Variants in CFAP91 observed in about 807,000 individuals in gnomAD.
The protein encoded by CFAP91 is cilia and flagella associated protein 91.
Under a neutral mutation model 95.9 loss-of-function variants are expected in CFAP91, and 85 were observed. The ratio of observed to expected loss-of-function variants is 0.89; its 90% CI spans 0.74 to 1.06. CFAP91 has a LOEUF of 1.06. Ranked by LOEUF, CFAP91 falls within the 50% of genes least tolerant of loss-of-function variation. The probability of loss-of-function intolerance (pLI) is 0.00; values close to 1 mark genes in which losing one functional copy is unlikely to be tolerated. For synonymous variants in CFAP91, 335 were observed against 327.5 expected (o/e 1.02, Z -0.25); for missense variants, 962 against 943.4 (o/e 1.02, Z -0.26).
At chr3:119,748,458 A>G (rs901539112) in intron 16 of CFAP91, among the ~76,000 whole-genome samples, 7 of 152,228 alleles carry the variant, frequency 4.6e-5, no homozygotes, top group Non-Finnish European at 8.8e-5. Context: ...AGAAAATACT[A>G]TCTTAAACAG....
Position 119,740,684 on chromosome 3 carries a change from C to T in CFAP91, c.1669C>T (p.His557Tyr), listed in dbSNP as rs199918700. 2 of 1,614,014 alleles carry T rather than the reference C, an allele frequency of 1.2e-6. No individual in the cohort carries two copies. The highest frequency in any genetic ancestry group is 2.2e-5 in the East Asian group (1 of 44,880). ...TLALQRQRNL[H>Y]EHKVSLVENH... ...GGCCTTACAGCGGCAGAGGAACTTG[C>T]ATGAGCACAAGGTTTTCCTTTTTTT... is the stretch of plus-strand genomic sequence containing the variant. The change falls in exon 13 of 18, where the codon CAT becomes TAT. Residue 557 changes from histidine (H) to tyrosine (Y), a missense_variant. Physicochemically the swap from His to Tyr is moderately conservative, Grantham distance 83. Coordinates refer to ENST00000273390, the MANE Select transcript of CFAP91 (RefSeq NM_033364.4).
intron 1 of CFAP91, among the ~76,000 whole-genome samples, chr3:119,705,679 A>T (rs1452068005): frequency 6.6e-6 from 1 of 152,244 alleles, no homozygotes; most frequent in Non-Finnish European, 1.5e-5. Flanking sequence ...TTTAAAAATA[A>T]CAACCCTCAA....
intron 17 of CFAP91, among the ~76,000 whole-genome samples, chr3:119,753,834 G>A (rs554693484): frequency 3.9e-5 from 6 of 152,052 alleles, no homozygotes; most frequent in Non-Finnish European, 4.4e-5. Context: ...CCCCAAGTCC[G>A]CACAGTCCAT....
chr3:119,751,185 A>C (rs2054318877), intron 17 of CFAP91, 87 bp downstream of exon 17: 1 of 1,412,700 alleles, frequency 7.1e-7, no homozygotes, highest in Non-Finnish European at 9.5e-7. Flanking sequence ...AAACAATCAT[A>C]ATGTGAAGAT....
intron 6 of CFAP91, chr3:119,715,963 C>T: frequency 1.7e-6 from 1 of 596,764 alleles, no homozygotes. Flanking sequence ...ATCTGTGAAG[C>T]TGAATTTCAG....
intron 10 of CFAP91, among the ~76,000 whole-genome samples, chr3:119,736,739 G>A (rs575037591): frequency 6.6e-6 from 1 of 151,938 alleles, no homozygotes; most frequent in East Asian, 1.9e-4. Flanking sequence ...TTTTATGATT[G>A]TGTAACATTC....
chr3:119,719,237 A>AAAAT, intron 6 of CFAP91, among the ~76,000 whole-genome samples: 1 of 152,252 alleles, frequency 6.6e-6, no homozygotes. Context: ...ATGTAAAACC[A>AAAAT]GTCAAAACTA....
chr3:119,718,026 G>C (rs2053611791), intron 6 of CFAP91, among the ~76,000 whole-genome samples: 2 of 152,164 alleles, frequency 1.3e-5, no homozygotes, highest in Non-Finnish European at 2.9e-5. Flanking sequence ...GCCACTCGCA[G>C]GTCAAGGCTG....
chr3:119,757,421 A>T (rs534092555), intron 17 of CFAP91, among the ~76,000 whole-genome samples: 1 of 152,192 alleles, frequency 6.6e-6, no homozygotes, highest in South Asian at 2.1e-4. Flanking sequence ...AGGCAGGTGG[A>T]CCAGTTCAGC....
chr3:119,715,847 AT>A, intron 6 of CFAP91, 104 bp downstream of exon 6: 1 of 1,023,738 alleles, frequency 9.8e-7, no homozygotes, highest in Non-Finnish European at 1.5e-6. Context: ...CAGTGTTGCT[AT>A]ATAAAGTGTC....
rs553703783 is a variant in CFAP91, at chr3:119,765,687, A to G, written c.*637A>G. The G allele has an allele frequency of 5.9e-5, 9 of 152,370 alleles. No homozygotes were observed. In the East Asian group the frequency reaches 1.5e-3, roughly 26 times the overall value. 9.4% of individuals were successfully genotyped at this position (152,370 alleles called of 1,614,324 possible). ...ATGCAACAGCCATAGAGATGGTGCT[A>G]TTGAAAGGCAATCTGCCCATCCTGT... is the stretch of plus-strand genomic sequence containing the variant. On this transcript the variant is annotated 3_prime_UTR_variant, in exon 18 of 18. Coordinates refer to ENST00000273390, the MANE Select transcript of CFAP91 (RefSeq NM_033364.4).
chr3:119,718,066 C>G (rs369469164), intron 6 of CFAP91, among the ~76,000 whole-genome samples: 8 of 152,138 alleles, frequency 5.3e-5, no homozygotes, highest in Non-Finnish European at 1.0e-4. Flanking sequence ...ATGAGAGAAA[C>G]CTGCAGCTGG....
chr3:119,752,112 C>T (rs1442814161), intron 17 of CFAP91, among the ~76,000 whole-genome samples: 1 of 152,102 alleles, frequency 6.6e-6, no homozygotes, highest in Non-Finnish European at 1.5e-5. Context: ...TTTGCTTATA[C>T]TTTCTCCCTC....
At position 119,766,503 on chromosome 3, in the gene CFAP91, A is replaced by G. The variant is rs2054630368; in HGVS notation, c.*1453A>G. 6.6e-6 allele frequency: 1 copy of G among 152,198 alleles called. No homozygotes were observed. The highest frequency in any genetic ancestry group is 2.4e-5 in the African/African-American group (1 of 41,444). The allele number at this position is 152,198 out of a possible 1,614,324, so 9.4% of individuals were successfully genotyped here. A position where few individuals can be genotyped will look rare whatever the true frequency, so the allele number is the denominator to read the frequency against. On this transcript the variant is annotated 3_prime_UTR_variant, in exon 18 of 18. Coordinates refer to ENST00000273390, the MANE Select transcript of CFAP91 (RefSeq NM_033364.4). ...CTAACCTGAGCTAGGTAAAGGTTAT[A>G]TCATTCACTTTTGAAATAAACCATC...
chr3:119,730,268 T>C lies in CFAP91; in HGVS notation c.909T>C (p.Arg303=). 2 of 1,613,948 alleles carry C rather than the reference T, an allele frequency of 1.2e-6. No homozygotes were observed. The highest frequency in any genetic ancestry group is 1.7e-6 in the Non-Finnish European group (2 of 1,179,968). ...LEVLKELLRK[R]EENQNEVNMK... ...TTCTAAAAGAGCTGTTGAGGAAGCG[T>C]GAAGAGAATCAGAATGAAGTGAATA... The change falls in exon 8 of 18, where the codon CGT becomes CGC. Residue 303 remains arginine, a synonymous_variant. Coordinates refer to ENST00000273390, the MANE Select transcript of CFAP91 (RefSeq NM_033364.4).
intron 17 of CFAP91, among the ~76,000 whole-genome samples, chr3:119,760,750 A>G (rs529444990): frequency 6.6e-6 from 1 of 151,872 alleles, no homozygotes; most frequent in African/African-American, 2.4e-5. Flanking sequence ...AATTACATGG[A>G]AATTAAACAA....
At chr3:119,724,418 A>G (rs1023159864) in intron 6 of CFAP91, among the ~76,000 whole-genome samples, 3 of 152,146 alleles carry the variant, frequency 2.0e-5, no homozygotes, top group Non-Finnish European at 4.4e-5. Context: ...AGTATATATG[A>G]CAAAATGTGT....
At chr3:119,726,129 G>A (rs773748799) in intron 6 of CFAP91, 42 bp from the exon 7 acceptor site, 10 of 1,547,052 alleles carry the variant, frequency 6.5e-6, no homozygotes, top group Non-Finnish European at 8.7e-6. Flanking sequence ...GGGTGCATGG[G>A]TCAGCTCACT....
In CFAP91 at chr3:119,743,994, A is replaced by G. The variant is rs1205031268; in HGVS notation, c.1700A>G (p.His567Arg). Residue 567 changes from histidine to arginine, a missense_variant, in exon 14 of 18, where the codon CAT becomes CGT. By Grantham distance (29) the His-to-Arg change is conservative. Coordinates refer to ENST00000273390, the MANE Select transcript of CFAP91 (RefSeq NM_033364.4). ...HEHKVSLVEN[H>R]LAGLEGRALA... is the part of the protein sequence containing the mutation. ...TTCAAGGTGTCACTGGTTGAAAACC[A>G]TTTGGCCGGACTGGAAGGAAGGGCA... is the stretch of plus-strand genomic sequence containing the variant. 6.2e-7 allele frequency: 1 copy of G among 1,610,954 alleles called. No individual in the cohort carries two copies. The highest frequency in any genetic ancestry group is 1.1e-5 in the South Asian group (1 of 90,914).
Sources: allele counts gnomAD v4.1 joint callset (sites outside exome capture counted in the v4.1 genomes callset), GRCh38; gene constraint gnomAD v4.1.1; transcripts MANE v1.5; gene names NCBI Gene and HGNC (gene_info 2026-07-23, HGNC 2026-07-21).